Variants in LRRC2 observed in about 807,000 individuals in gnomAD.
LRRC2 encodes leucine rich repeat containing 2.
A neutral mutation model predicts 40.2 loss-of-function variants in LRRC2; 27 were observed. The ratio of observed to expected loss-of-function variants is 0.67; its 90% CI spans 0.49 to 0.93. The LOEUF (loss-of-function observed/expected upper bound fraction) is 0.93. Among genes scored for constraint, LRRC2 ranks in the 40% least tolerant of loss-of-function variants. The pLI is 0.00. For synonymous variants in LRRC2, 147 were observed against 158.9 expected (o/e 0.92, Z 0.56); for missense variants, 402 against 439.6 (o/e 0.91, Z 0.76).
chr3:46,526,113 C>T (rs1335769173), intron 7 of LRRC2, among the ~76,000 whole-genome samples: 2 of 152,024 alleles, frequency 1.3e-5, no homozygotes, highest in Non-Finnish European at 2.9e-5. Context: ...TCACTGTGCC[C>T]AGTTAATTTT....
rs1475867181 is a variant in LRRC2 at position 46,539,031 on chromosome 3, C to A, written c.490+14G>T. 6.2e-7 allele frequency: 1 copy of A among 1,612,756 alleles called. No individual in the cohort carries two copies. Among genetic ancestry groups the A allele is most frequent in the Admixed American group, 1.7e-5 (1 of 59,772 alleles). The stretch of plus-strand genomic sequence containing the variant: ...CACACCAGAGGCCCGAAGACCCCTG[C>A]TAAGTTGACATACCGATTTCTGCTG... On this transcript the variant is annotated intron_variant, in intron 4 of 8. Coordinates refer to ENST00000395905, the MANE Select transcript of LRRC2 (RefSeq NM_024512.5).
chr3:46,516,947 C>G lies in LRRC2; in HGVS notation c.*2067G>C, dbSNP rs1703871922. 6.6e-6 allele frequency: 1 copy of G among 152,222 alleles called. No individual in the cohort carries two copies. The highest frequency in any genetic ancestry group is 2.1e-4 in the South Asian group (1 of 4,832). 9.4% of individuals were successfully genotyped at this position (152,222 alleles called of 1,614,324 possible). A position where few individuals can be genotyped will look rare whatever the true frequency, so the allele number is the denominator to read the frequency against. ...ATCACCCTGCCATTTAGTGCTTCTT[C>G]CTTTAGAATCGCAACTGGCCCCACC... On this transcript the variant is annotated 3_prime_UTR_variant, in exon 9 of 9. Coordinates refer to ENST00000395905, the MANE Select transcript of LRRC2 (RefSeq NM_024512.5).
At position 46,527,418 on chromosome 3, in the gene LRRC2, C is replaced by T. The variant is rs765382706; in HGVS notation, c.929+8G>A. 2 of 1,613,754 alleles carry T rather than the reference C, an allele frequency of 1.2e-6. No individual in the cohort carries two copies. The highest frequency in any genetic ancestry group is 1.7e-6 in the Non-Finnish European group (2 of 1,179,762). On this transcript the variant is annotated splice_region_variant and intron_variant, in intron 7 of 8. Coordinates refer to ENST00000395905, the MANE Select transcript of LRRC2 (RefSeq NM_024512.5). ...GAGTGTGTCTACTGGGATTTCCGGG[C>T]TACTCACTTTAAAGGTGTGGATGAG...
chr3:46,539,027 C>A lies in LRRC2; in HGVS notation c.490+18G>T. The A allele has an allele frequency of 6.2e-7, 1 of 1,612,042 alleles. No homozygotes were observed. The highest frequency in any genetic ancestry group is 8.5e-7 in the Non-Finnish European group (1 of 1,179,010). On this transcript the variant is annotated intron_variant, in intron 4 of 8. Transcript: ENST00000395905. ...TTAACACACCAGAGGCCCGAAGACC[C>A]CTGCTAAGTTGACATACCGATTTCT...
At chr3:46,532,250 G>A (rs952608422) in intron 5 of LRRC2, among the ~76,000 whole-genome samples, 1 of 152,122 alleles carries the variant, frequency 6.6e-6, no homozygotes, top group Admixed American at 6.5e-5. Flanking sequence ...GTGAAATTTT[G>A]CCTGGTTTTC....
intron 2 of LRRC2, among the ~76,000 whole-genome samples, chr3:46,545,467 A>T (rs1009610235): frequency 2.4e-4 from 37 of 152,362 alleles, no homozygotes; most frequent in African/African-American, 8.7e-4. Flanking sequence ...AAAGTAGAGA[A>T]GATGGGTTAG....
chr3:46,562,772 A>T (rs2018008), intron 1 of LRRC2, among the ~76,000 whole-genome samples: 4 of 147,856 alleles, frequency 2.7e-5, no homozygotes, highest in African/African-American at 9.9e-5. Flanking sequence ...TCTGTCACCC[A>T]GGCTGGAGTG....
At chr3:46,527,632 GA>G in intron 6 of LRRC2, 51 bp from the exon 7 acceptor site, 1 of 1,476,744 alleles carries the variant, frequency 6.8e-7, no homozygotes, top group Non-Finnish European at 9.4e-7. Context: ...TCATAGCTAA[GA>G]AAACCAACAT....
chr3:46,521,487 CTAATTTTAAA>C (rs1703963323), intron 8 of LRRC2, 25 bp downstream of exon 8: 3 of 1,491,810 alleles, frequency 2.0e-6, no homozygotes, highest in African/African-American at 1.4e-5. Flanking sequence ...CGTCTGTACA[CTAATTTTAAA>C]TAATTTTAAA....
intron 4 of LRRC2, among the ~76,000 whole-genome samples, chr3:46,533,329 G>A (rs936510142): frequency 1.3e-5 from 2 of 152,186 alleles, no homozygotes; most frequent in South Asian, 2.1e-4. Flanking sequence ...TGCAACTGGA[G>A]CACAGTGTCT....
In LRRC2 at chr3:46,518,339, C is replaced by T. The variant is rs1703902616; in HGVS notation, c.*675G>A. ...ATTAGTCCAATATAAATGCTCTTTTCACAATCCCTTTATCTTTTTCTTTTC... is the reference window on the plus strand; with the variant it reads ...ATTAGTCCAATATAAATGCTCTTTTTACAATCCCTTTATCTTTTTCTTTTC... On this transcript the variant is annotated 3_prime_UTR_variant, in exon 9 of 9. Coordinates refer to ENST00000395905, the MANE Select transcript of LRRC2 (RefSeq NM_024512.5). 6.6e-6 allele frequency: 1 copy of T among 151,984 alleles called. No individual in the cohort carries two copies. Among genetic ancestry groups the T allele is most frequent in the Non-Finnish European group, 1.5e-5 (1 of 68,028 alleles). The allele number at this position is 151,984 out of a possible 1,614,324, so 9.4% of individuals were successfully genotyped here.
At position 46,529,936 on chromosome 3, in the gene LRRC2, T is replaced by G; in HGVS notation, c.742A>C (p.Asn248His). The change falls in exon 6 of 9, where the codon AAC becomes CAC. Residue 248 changes from asparagine (N) to histidine (H), a missense_variant. By Grantham distance (68) the Asn-to-His change is moderately conservative. Coordinates refer to ENST00000395905, the MANE Select transcript of LRRC2 (RefSeq NM_024512.5). ...NLQWLDISSN[N>H]LTDLPQDIDR... is the part of the protein sequence containing the mutation. ...ATATCTTGCGGCAGGTCGGTCAGGT[T>G]ATTGCTGCTGATATCCAACCACTGC... 1 of 1,614,098 alleles carries G rather than the reference T, an allele frequency of 6.2e-7. No individual in the cohort carries two copies. The highest frequency in any genetic ancestry group is 8.5e-7 in the Non-Finnish European group (1 of 1,180,008).
intron 7 of LRRC2, among the ~76,000 whole-genome samples, chr3:46,522,822 GA>G (rs1222509582): frequency 6.9e-6 from 1 of 145,312 alleles, no homozygotes; most frequent in Non-Finnish European, 1.5e-5. Context: ...CTAAAGGGGG[GA>G]AACCCAAATG....
intron 1 of LRRC2, among the ~76,000 whole-genome samples, chr3:46,563,422 C>T (rs893879834): frequency 1.3e-5 from 2 of 152,014 alleles, no homozygotes; most frequent in African/African-American, 4.8e-5. Flanking sequence ...ACCCCTCCTG[C>T]TCCCCTCCTC....
intron 2 of LRRC2, among the ~76,000 whole-genome samples, chr3:46,549,271 C>T (rs959678672): frequency 2.6e-5 from 4 of 152,134 alleles, no homozygotes; most frequent in Middle Eastern, 3.2e-3. Context: ...ATATTAATTA[C>T]TCCTTTGAAC....
intron 1 of LRRC2, chr3:46,558,021 C>T (rs1417952848): frequency 1.3e-5 from 2 of 152,274 alleles, no homozygotes; most frequent in Admixed American, 1.3e-4. Context: ...ACGTGGGCTG[C>T]ACAAGGGCTC....
chr3:46,517,314 A>G lies in LRRC2; in HGVS notation c.*1700T>C, dbSNP rs1575340911. On this transcript the variant is annotated 3_prime_UTR_variant, in exon 9 of 9. Transcript: ENST00000395905. The stretch of plus-strand genomic sequence containing the variant: ...TTTTTTTTTAGTTATAACAATAATA[A>G]TATTGTTATTGCTGTTTGTTTTGCT... 6.7e-6 allele frequency: 1 copy of G among 149,082 alleles called. No individual in the cohort carries two copies. Among genetic ancestry groups the G allele is most frequent in the East Asian group, 2.0e-4 (1 of 5,086 alleles). 9.2% of individuals were successfully genotyped at this position (149,082 alleles called of 1,614,324 possible). A position where few individuals can be genotyped will look rare whatever the true frequency, so the allele number is the denominator to read the frequency against.
chr3:46,545,656 C>T (rs1475779326), intron 2 of LRRC2, among the ~76,000 whole-genome samples: 3 of 152,176 alleles, frequency 2.0e-5, no homozygotes, highest in Non-Finnish European at 4.4e-5. Context: ...CCATCAGCCA[C>T]CTTGGGGAAT....
chr3:46,523,755 CTATCCACCCATT>C (rs940156732), intron 7 of LRRC2, among the ~76,000 whole-genome samples: 2 of 151,796 alleles, frequency 1.3e-5, no homozygotes, highest in African/African-American at 2.4e-5. Context: ...ATCCATCCAT[CTATCCACCCATT>C]TATCCACCCA....
Sources: gnomAD v4.1 joint callset for allele counts (sites outside exome capture counted in the v4.1 genomes callset) on GRCh38, gnomAD v4.1.1 for gene constraint, MANE v1.5 for transcripts, NCBI Gene and HGNC (gene_info 2026-07-23, HGNC 2026-07-21) for gene names.